Variants in SSPN observed in about 807,000 individuals in gnomAD.
SSPN encodes the protein K-ras oncogene-associated protein.
SSPN carries 15 observed loss-of-function variants against 19.1 expected under a neutral mutation model. The ratio of observed to expected loss-of-function variants is 0.78; its 90% CI spans 0.52 to 1.21. The LOEUF is 1.21. Among genes scored for constraint, SSPN ranks in the 50% most tolerant of loss-of-function variants. The probability of loss-of-function intolerance (pLI) is 0.00; values close to 1 mark genes in which losing one functional copy is unlikely to be tolerated. For missense variants in SSPN, 291 were observed against 314.0 expected, an observed-to-expected ratio of 0.93 and a Z score of 0.55; for synonymous variants, 147 against 140.3, an observed-to-expected ratio of 1.05 and a Z score of -0.34.
upstream of SSPN, among the ~76,000 whole-genome samples, chr12:26,193,197 AAC>A (rs2137453532): frequency 6.6e-6 from 1 of 152,376 alleles, no homozygotes; most frequent in African/African-American, 2.4e-5. Flanking sequence ...TCACAATTTA[AAC>A]AGTCTAGCCA....
intron 1 of SSPN, among the ~76,000 whole-genome samples, chr12:26,146,666 T>C (rs1042100602): frequency 2.0e-5 from 3 of 151,842 alleles, no homozygotes; most frequent in African/African-American, 4.8e-5. Flanking sequence ...CTACTAAGAA[T>C]ACAAAAATTA....
Position 26,124,830 on chromosome 12 carries a change from T to A in SSPN, c.-31+2678T>A, listed in dbSNP as rs1323023980. The A allele has an allele frequency of 1.9e-6, 3 of 1,579,046 alleles. No homozygotes were observed. In the Admixed American group the frequency reaches 5.0e-5, roughly 26 times the overall value. ...TTTCGATTTTTGGGGCTCTGTACAA[T>A]AATCTGTGGGACGGTAGGCTTGGGA... is the stretch of plus-strand genomic sequence containing the variant. On this transcript the variant is annotated intron_variant, in intron 1 of 2. Coordinates refer to the SSPN transcript ENST00000538142.
intron 2 of SSPN, among the ~76,000 whole-genome samples, chr12:26,230,068 G>A (rs972760741): frequency 4.6e-5 from 7 of 152,164 alleles, no homozygotes; most frequent in South Asian, 2.1e-4. Flanking sequence ...TCACATGGTC[G>A]TTGTTGGGCT....
At chr12:26,144,262 C>A (rs1423060550) in intron 1 of SSPN, among the ~76,000 whole-genome samples, 1 of 152,116 alleles carries the variant, frequency 6.6e-6, no homozygotes. Flanking sequence ...ATTCTTTCTG[C>A]AAGTGATTTA....
intron 1 of SSPN, among the ~76,000 whole-genome samples, chr12:26,200,568 C>A (rs1329645034): frequency 6.6e-6 from 1 of 151,812 alleles, no homozygotes; most frequent in African/African-American, 2.4e-5. Context: ...AATAATTTAG[C>A]TAAATGGTTT....
chr12:26,216,077 T>C (rs1383581743), intron 1 of SSPN, among the ~76,000 whole-genome samples: 1 of 152,226 alleles, frequency 6.6e-6, no homozygotes, highest in Non-Finnish European at 1.5e-5. Flanking sequence ...CTTAACACTC[T>C]GTAAATATTC....
upstream of SSPN, among the ~76,000 whole-genome samples, chr12:26,190,754 T>C (rs1316582059): frequency 1.3e-5 from 2 of 152,148 alleles, no homozygotes; most frequent in East Asian, 3.8e-4. Flanking sequence ...TGTATTTCTC[T>C]TTTTATTACA....
At chr12:26,143,632 T>A (rs1461707174) in intron 1 of SSPN, among the ~76,000 whole-genome samples, 2 of 152,220 alleles carry the variant, frequency 1.3e-5, no homozygotes, top group Admixed American at 1.3e-4. Flanking sequence ...ATGACTTTGC[T>A]AATTTAATTG....
At chr12:26,222,405 G>A (rs1342170091) in intron 1 of SSPN, among the ~76,000 whole-genome samples, 3 of 152,204 alleles carry the variant, frequency 2.0e-5, no homozygotes, top group African/African-American at 7.2e-5. Context: ...ATGCCATGTT[G>A]CCTTTGCAAA....
At chr12:26,132,948 C>T (rs1018335352) in intron 1 of SSPN, among the ~76,000 whole-genome samples, 11 of 152,186 alleles carry the variant, frequency 7.2e-5, no homozygotes, top group African/African-American at 2.4e-4. Context: ...TTGGTCATTG[C>T]CCTAGCAGGT....
intron 1 of SSPN, among the ~76,000 whole-genome samples, chr12:26,166,465 T>C (rs1006026488): frequency 5.9e-5 from 9 of 152,228 alleles, no homozygotes; most frequent in African/African-American, 2.2e-4. Flanking sequence ...TGATTGTACA[T>C]TGTACATTGA....
chr12:26,196,065 A>T (rs1944826971), intron 1 of SSPN, 114 bp downstream of exon 1: 3 of 922,546 alleles, frequency 3.3e-6, no homozygotes, highest in Non-Finnish European at 4.5e-6. Context: ...TCACTCTTCT[A>T]ACTCGCGCTC....
chr12:26,222,096 C>T (rs559742332), intron 1 of SSPN, among the ~76,000 whole-genome samples: 3 of 152,282 alleles, frequency 2.0e-5, no homozygotes, highest in Admixed American at 1.3e-4. Flanking sequence ...TGAAAAGCTG[C>T]CTCCCTGGGT....
rs1189511163 is a variant in SSPN, at chr12:26,232,654, T to C, written c.*1578T>C. 1.0e-6 allele frequency: 1 copy of C among 985,154 alleles called. No individual in the cohort carries two copies. Among genetic ancestry groups the C allele is most frequent in the Non-Finnish European group, 1.2e-6 (1 of 829,736 alleles). The allele number at this position is 985,154 out of a possible 1,614,324, so 61.0% of individuals were successfully genotyped here. Reference sequence around the variant, plus strand: ...GATAATGGTTTCAATTTCTACACAATATAAATATCCAGTATAAAGGAAAGC... The same window carrying C: ...GATAATGGTTTCAATTTCTACACAACATAAATATCCAGTATAAAGGAAAGC... On this transcript the variant is annotated 3_prime_UTR_variant, in exon 3 of 3. Transcript: ENST00000242729.
intron 1 of SSPN, among the ~76,000 whole-genome samples, chr12:26,204,127 C>T (rs1198275418): frequency 1.3e-5 from 2 of 152,158 alleles, no homozygotes; most frequent in Non-Finnish European, 2.9e-5. Context: ...CTCAGTGACT[C>T]TTAAGCTCGT....
chr12:26,201,048 A>ATATATATATAT (rs1944880204), intron 1 of SSPN, among the ~76,000 whole-genome samples: 7 of 68,238 alleles, frequency 1.0e-4, no homozygotes, highest in African/African-American at 1.3e-4. Flanking sequence ...TATATATATT[A>ATATATATATAT]TATATATATA....
At chr12:26,138,103 T>C (rs754005141) in intron 1 of SSPN, among the ~76,000 whole-genome samples, 3 of 152,218 alleles carry the variant, frequency 2.0e-5, no homozygotes, top group Non-Finnish European at 4.4e-5. Flanking sequence ...TTATAACCTA[T>C]GCACATCCTC....
chr12:26,143,094 A>G (rs1051065236), intron 1 of SSPN, among the ~76,000 whole-genome samples: 1 of 152,244 alleles, frequency 6.6e-6, no homozygotes, highest in Admixed American at 6.5e-5. Flanking sequence ...GTAGGATATC[A>G]TACACATATT....
chr12:26,160,072 G>A lies in SSPN; in HGVS notation c.-31+37920G>A, dbSNP rs951795174. Among the ~76,000 whole-genome samples, 12 of 152,336 alleles carry A rather than the reference G, an allele frequency of 7.9e-5. No individual in the cohort carries two copies. In the South Asian group the frequency reaches 1.4e-3, roughly 18 times the overall value. Reference sequence around the variant, plus strand: ...TATCAGCCACTGAGGGCAAGACTGGGAAATTTCAGCACAAAGGTCTGGGGA... The same window carrying A: ...TATCAGCCACTGAGGGCAAGACTGGAAAATTTCAGCACAAAGGTCTGGGGA... On this transcript the variant is annotated intron_variant, in intron 1 of 2. Coordinates refer to the SSPN transcript ENST00000538142.
Sources: gnomAD v4.1 joint callset for allele counts (sites outside exome capture counted in the v4.1 genomes callset) on GRCh38, gnomAD v4.1.1 for gene constraint, MANE v1.5 for transcripts, NCBI Gene and HGNC (gene_info 2026-07-23, HGNC 2026-07-21) for gene names.